The following IMMP2L variants were observed in gnomAD, a reference collection of about 807,000 sequenced individuals.
IMMP2L encodes mitochondrial inner membrane protease subunit 2.
Under a neutral mutation model 19.3 loss-of-function variants are expected in IMMP2L, and 18 were observed. The ratio of observed to expected loss-of-function variants is 0.93; its 90% CI spans 0.64 to 1.38. The LOEUF (loss-of-function observed/expected upper bound fraction) is 1.38, where lower values mean the gene tolerates loss of function less well. Ranked by LOEUF, IMMP2L falls within the 40% of genes most tolerant of loss-of-function variation. IMMP2L has a pLI of 0.00. For synonymous variants in IMMP2L, 76 were observed against 73.0 expected (o/e 1.04, Z -0.21); for missense variants, 233 against 218.2 (o/e 1.07, Z -0.43).
chr7:111,136,462 T>C (rs934530104), intron 3 of IMMP2L, among the ~76,000 whole-genome samples: 2 of 152,196 alleles, frequency 1.3e-5, no homozygotes, highest in African/African-American at 2.4e-5. Context: ...CTACATCCCA[T>C]AGGGCAGCCC....
At chr7:111,127,651 T>C (rs1801447843) in intron 3 of IMMP2L, among the ~76,000 whole-genome samples, 2 of 152,140 alleles carry the variant, frequency 1.3e-5, no homozygotes, top group South Asian at 2.1e-4. Flanking sequence ...AAACTAAGCA[T>C]TGGTCAAAGT....
chr7:111,345,507 T>C (rs1217323727), intron 3 of IMMP2L, among the ~76,000 whole-genome samples: 3 of 152,142 alleles, frequency 2.0e-5, no homozygotes, highest in African/African-American at 4.8e-5. Flanking sequence ...GAAGAAATAA[T>C]GTATGGTATT....
At chr7:111,417,873 C>T (rs183021765) in intron 3 of IMMP2L, among the ~76,000 whole-genome samples, 4 of 151,886 alleles carry the variant, frequency 2.6e-5, no homozygotes, top group South Asian at 4.1e-4. Context: ...TCAGACACTG[C>T]GTTTGCAAAG....
chr7:110,819,138 A>G (rs1322633986), intron 5 of IMMP2L, among the ~76,000 whole-genome samples: 1 of 152,006 alleles, frequency 6.6e-6, no homozygotes, highest in African/African-American at 2.4e-5. Context: ...AGAAAAAAAA[A>G]TCAGTTCTGA....
Position 110,728,781 on chromosome 7 carries a change from A to G in IMMP2L, c.409-65060T>C, listed in dbSNP as rs1227634230. ...CATATTACCTCATTTGTTTCTCACCATATTCGTGAGGTGGCTACAATCATT... is the reference window on the plus strand; with the variant it reads ...CATATTACCTCATTTGTTTCTCACCGTATTCGTGAGGTGGCTACAATCATT... On this transcript the variant is annotated intron_variant, in intron 5 of 5. Coordinates refer to ENST00000405709, the MANE Select transcript of IMMP2L (RefSeq NM_032549.4). The surrounding 1 kb of genome is among the most constrained non-coding windows in gnomAD (Gnocchi z 4.6). Among the ~76,000 whole-genome samples the G allele has an allele frequency of 6.6e-6, 1 of 152,142 alleles. No homozygotes were observed. The highest frequency in any genetic ancestry group is 6.6e-5 in the Admixed American group (1 of 15,266).
chr7:110,912,969 G>A lies in IMMP2L; in HGVS notation c.306-26274C>T, dbSNP rs534906408. Among the ~76,000 whole-genome samples the A allele has an allele frequency of 3.9e-5, 6 of 152,160 alleles. No individual in the cohort carries two copies. The East Asian group carries it at 5.8e-4, about 15-fold the overall frequency. ...AGAGAGGGAATGGATAGTGGCAAAC[G>A]ACATTGTGGAAGGTGGAGATCATCT... On this transcript the variant is annotated intron_variant, in intron 4 of 5. Transcript: ENST00000405709.
At chr7:111,450,440 C>G (rs201072407) in intron 3 of IMMP2L, among the ~76,000 whole-genome samples, 2,174 of 150,594 alleles carry the variant, frequency 0.014, 25 homozygotes, top group Non-Finnish European at 0.022. Flanking sequence ...ACAAACCTGA[C>G]AAAAACAAGC....
At chr7:111,523,876 A>G (rs1846588451) in intron 1 of IMMP2L, among the ~76,000 whole-genome samples, 2 of 152,098 alleles carry the variant, frequency 1.3e-5, no homozygotes, top group Admixed American at 1.3e-4. Context: ...TCATTCATTC[A>G]TACCCAGCTT....
chr7:110,783,412 T>C (rs1658635775), intron 5 of IMMP2L, among the ~76,000 whole-genome samples: 1 of 151,910 alleles, frequency 6.6e-6, no homozygotes, highest in Non-Finnish European at 1.5e-5. Flanking sequence ...TAATCTGTTC[T>C]TTCTAGCTCA....
intron 3 of IMMP2L, among the ~76,000 whole-genome samples, chr7:111,353,732 TATACAC>T (rs1409953412): frequency 6.6e-6 from 1 of 152,092 alleles, no homozygotes; most frequent in Non-Finnish European, 1.5e-5. Context: ...TATACATAAA[TATACAC>T]ATACACAAAA....
intron 2 of IMMP2L, among the ~76,000 whole-genome samples, chr7:111,500,399 A>C (rs1006974944): frequency 3.3e-5 from 5 of 152,200 alleles, no homozygotes; most frequent in African/African-American, 1.2e-4. Context: ...GACAAACAAA[A>C]AGACAGCAGT....
chr7:111,507,901 T>C (rs1453377573), intron 2 of IMMP2L, among the ~76,000 whole-genome samples: 10 of 152,132 alleles, frequency 6.6e-5, no homozygotes, highest in Non-Finnish European at 1.3e-4. Flanking sequence ...CCTGAGTTTT[T>C]ACATGTACCC....
chr7:111,421,791 T>C (rs1460211895), intron 3 of IMMP2L, among the ~76,000 whole-genome samples: 1 of 151,848 alleles, frequency 6.6e-6, no homozygotes, highest in Non-Finnish European at 1.5e-5. Context: ...ATGAAGTCCT[T>C]GTCCATGCCT....
At chr7:110,875,618 G>A (rs1808985718) in intron 5 of IMMP2L, among the ~76,000 whole-genome samples, 1 of 152,108 alleles carries the variant, frequency 6.6e-6, no homozygotes, top group Non-Finnish European at 1.5e-5. Flanking sequence ...TCATTTGCCT[G>A]CAGCTTCCCA....
At chr7:111,409,541 G>A (rs953107583) in intron 3 of IMMP2L, among the ~76,000 whole-genome samples, 1 of 151,518 alleles carries the variant, frequency 6.6e-6, no homozygotes, top group East Asian at 1.9e-4. Context: ...TACCTAAAGG[G>A]TATCTTCTGA....
intron 3 of IMMP2L, among the ~76,000 whole-genome samples, chr7:111,363,751 C>T (rs181061576): frequency 1.3e-5 from 2 of 152,168 alleles, no homozygotes; most frequent in Non-Finnish European, 2.9e-5. Context: ...AATTAAAATA[C>T]AAGCATATAA....
At chr7:111,044,539 C>T (rs988860325) in intron 3 of IMMP2L, among the ~76,000 whole-genome samples, 8 of 151,946 alleles carry the variant, frequency 5.3e-5, no homozygotes, top group East Asian at 1.9e-4. Flanking sequence ...CCAGCCTAGG[C>T]GACAAGAGCG....
At chr7:110,945,104 A>G (rs988106674) in intron 4 of IMMP2L, among the ~76,000 whole-genome samples, 2 of 151,986 alleles carry the variant, frequency 1.3e-5, no homozygotes, top group African/African-American at 2.4e-5. Flanking sequence ...AACGTTACAT[A>G]GCTGCCAAGA....
chr7:110,684,262 CTAAAG>C (rs533072684), intron 5 of IMMP2L, among the ~76,000 whole-genome samples: 139 of 152,114 alleles, frequency 9.1e-4, no homozygotes, highest in Non-Finnish European at 1.6e-3. Context: ...CTGTTATTTC[CTAAAG>C]TAGACTGAAC....
Sources: gnomAD v4.1 joint callset for allele counts (sites outside exome capture counted in the v4.1 genomes callset) on GRCh38, gnomAD v4.1.1 for gene constraint, Gnocchi (gnomAD v3.1) non-coding constraint, MANE v1.5 for transcripts, NCBI Gene and HGNC (gene_info 2026-07-23, HGNC 2026-07-21) for gene names.